Variants in THSD7A observed in about 807,000 individuals in gnomAD.
THSD7A encodes thrombospondin type 1 domain containing 7A, also known as thrombospondin type-1 domain-containing protein 7A.
Under a neutral mutation model 231.3 loss-of-function variants are expected in THSD7A, and 96 were observed. The observed-to-expected ratio is 0.41, with a 90% CI of 0.35 to 0.49. The LOEUF (loss-of-function observed/expected upper bound fraction) is 0.49, where lower values mean the gene tolerates loss of function less well. THSD7A is among the 20% of genes least tolerant of loss of function. The pLI is 0.05. For missense variants in THSD7A, 2,290 were observed against 2,070.2 expected, an observed-to-expected ratio of 1.11 and a Z score of -2.06; for synonymous variants, 940 against 743.3, an observed-to-expected ratio of 1.26 and a Z score of -4.30.
At chr7:11,449,279 T>G (rs906425099) in intron 11 of THSD7A, among the ~76,000 whole-genome samples, 7 of 152,082 alleles carry the variant, frequency 4.6e-5, no homozygotes, top group African/African-American at 1.7e-4. Flanking sequence ...ACACCTAGAA[T>G]GCTATTAAAC....
At chr7:11,552,987 G>A (rs780201665) in intron 4 of THSD7A, among the ~76,000 whole-genome samples, 1 of 152,032 alleles carries the variant, frequency 6.6e-6, no homozygotes, top group Non-Finnish European at 1.5e-5. Flanking sequence ...TAGAGAGGGA[G>A]ATGTTTCTCT....
intron 1 of THSD7A, chr7:11,820,546 G>A (rs538626165): frequency 1.1e-5 from 8 of 717,456 alleles, no homozygotes; most frequent in Non-Finnish European, 1.9e-5. Flanking sequence ...TTTCTTTTTT[G>A]AAAATCATTG....
intron 1 of THSD7A, among the ~76,000 whole-genome samples, chr7:11,779,843 T>C (rs1023338702): frequency 6.6e-6 from 1 of 152,200 alleles, no homozygotes; most frequent in Non-Finnish European, 1.5e-5. Flanking sequence ...TAGAAGGAAG[T>C]ACAAATGTTG....
At chr7:11,724,095 C>T (rs1781459928) in intron 1 of THSD7A, among the ~76,000 whole-genome samples, 1 of 151,846 alleles carries the variant, frequency 6.6e-6, no homozygotes, top group Admixed American at 6.6e-5. Flanking sequence ...GGATACATTT[C>T]AAAAATTGAG....
intron 1 of THSD7A, among the ~76,000 whole-genome samples, chr7:11,730,900 T>C (rs1322018845): frequency 1.3e-5 from 2 of 151,754 alleles, no homozygotes; most frequent in African/African-American, 2.4e-5. Context: ...TTTATTCATA[T>C]CTCTTTCTGT....
chr7:11,522,190 C>T (rs1389742757), intron 6 of THSD7A, among the ~76,000 whole-genome samples: 3 of 152,102 alleles, frequency 2.0e-5, no homozygotes, highest in Non-Finnish European at 2.9e-5. Context: ...TTCGTAATAA[C>T]ATATTCCTTT....
At chr7:11,647,497 T>C (rs1265898111) in intron 1 of THSD7A, among the ~76,000 whole-genome samples, 1 of 152,098 alleles carries the variant, frequency 6.6e-6, no homozygotes, top group East Asian at 1.9e-4. Context: ...ATACTACTAC[T>C]CAAATTAGAA....
chr7:11,571,543 GAAGTT>G (rs1474563670), intron 4 of THSD7A, among the ~76,000 whole-genome samples: 1 of 152,156 alleles, frequency 6.6e-6, no homozygotes, highest in African/African-American at 2.4e-5. Context: ...TTTTTCTAAA[GAAGTT>G]AAGTAACCTG....
At chr7:11,674,381 A>G (rs566315077) in intron 1 of THSD7A, among the ~76,000 whole-genome samples, 1 of 152,242 alleles carries the variant, frequency 6.6e-6, no homozygotes, top group East Asian at 1.9e-4. Context: ...GCTGAAGATG[A>G]GCATAAGCTT....
intron 1 of THSD7A, among the ~76,000 whole-genome samples, chr7:11,755,947 T>C (rs1344251329): frequency 6.6e-6 from 1 of 152,068 alleles, no homozygotes; most frequent in East Asian, 1.9e-4. Context: ...TAAAAGTAGT[T>C]CTGAAAAGAT....
At chr7:11,585,483 C>T (rs1292468867) in intron 4 of THSD7A, among the ~76,000 whole-genome samples, 1 of 152,158 alleles carries the variant, frequency 6.6e-6, no homozygotes. Context: ...CTCATTTCTC[C>T]ATAGGCTAAT....
In THSD7A at chr7:11,406,155, G is replaced by T; in HGVS notation, c.4237+145C>A. On this transcript the variant is annotated intron_variant, in intron 22 of 27. Coordinates refer to ENST00000423059, the MANE Select transcript of THSD7A (RefSeq NM_015204.3). The surrounding 1 kb of genome is among the most constrained non-coding windows in gnomAD (Gnocchi z 4.7). ...ATGAGACAGCGTCCCGTTCCCCACAGGCATAGTGTTGAGCTGTTGGCATAG... is the reference window on the plus strand; with the variant it reads ...ATGAGACAGCGTCCCGTTCCCCACATGCATAGTGTTGAGCTGTTGGCATAG... 2.4e-6 allele frequency: 2 copies of T among 818,000 alleles called. No individual in the cohort carries two copies. Among genetic ancestry groups the T allele is most frequent in the Non-Finnish European group, 3.6e-6 (2 of 550,672 alleles). The allele number at this position is 818,000 out of a possible 1,614,324, so 50.7% of individuals were successfully genotyped here.
rs118160662 is a variant in THSD7A at position 11,583,312 on chromosome 7, T to C, written c.1453+7148A>G. Among the ~76,000 whole-genome samples the C allele has an allele frequency of 1.1e-3, 168 of 152,258 alleles. 1 individual carries two copies. The East Asian group carries it at 0.028, about 26-fold the overall frequency. On this transcript the variant is annotated intron_variant, in intron 4 of 27. Coordinates refer to ENST00000423059, the MANE Select transcript of THSD7A (RefSeq NM_015204.3). ...TTTGTTTTGAGACAGGGTCTTTCTC[T>C]GCCACCGAGGCTGGAGTGCAGTGGC...
intron 19 of THSD7A, among the ~76,000 whole-genome samples, chr7:11,410,795 C>A (rs769341741): frequency 5.9e-5 from 9 of 152,116 alleles, no homozygotes; most frequent in Non-Finnish European, 1.0e-4. Context: ...ATATCAAAAT[C>A]TGCTATGAAA....
intron 1 of THSD7A, among the ~76,000 whole-genome samples, chr7:11,774,469 T>A (rs955371091): frequency 2.0e-5 from 3 of 147,118 alleles, no homozygotes; most frequent in Non-Finnish European, 3.0e-5. Flanking sequence ...AGGGGTTAGG[T>A]CTCATGTTAA....
intron 1 of THSD7A, among the ~76,000 whole-genome samples, chr7:11,674,378 A>G (rs1394469174): frequency 1.3e-5 from 2 of 152,158 alleles, no homozygotes; most frequent in Admixed American, 6.6e-5. Context: ...CTGGCTGAAG[A>G]TGAGCATAAG....
chr7:11,405,555 C>G (rs983196542), intron 22 of THSD7A, among the ~76,000 whole-genome samples: 1 of 152,130 alleles, frequency 6.6e-6, no homozygotes, highest in Non-Finnish European at 1.5e-5. Context: ...GATGGGTTTT[C>G]TGGCATATTT....
At chr7:11,648,122 C>A (rs968261775) in intron 1 of THSD7A, among the ~76,000 whole-genome samples, 1 of 151,986 alleles carries the variant, frequency 6.6e-6, no homozygotes, top group African/African-American at 2.4e-5. Flanking sequence ...CTTAGAGGTC[C>A]ATGTAAGTCT....
chr7:11,756,642 G>T (rs1050187845), intron 1 of THSD7A, among the ~76,000 whole-genome samples: 4 of 152,028 alleles, frequency 2.6e-5, no homozygotes, highest in Non-Finnish European at 5.9e-5. Flanking sequence ...AGAAAAAGGA[G>T]AGAGATGTGA....
Sources: gnomAD v4.1 joint callset for allele counts (sites outside exome capture counted in the v4.1 genomes callset) on GRCh38, gnomAD v4.1.1 for gene constraint, Gnocchi (gnomAD v3.1) non-coding constraint, MANE v1.5 for transcripts, NCBI Gene and HGNC (gene_info 2026-07-23, HGNC 2026-07-21) for gene names.